The following NAALADL2 variants were observed in gnomAD, a reference collection of about 807,000 sequenced individuals.
NAALADL2 encodes N-acetylated alpha-linked acidic dipeptidase like 2, also known as inactive N-acetylated-alpha-linked acidic dipeptidase-like protein 2.
In NAALADL2, 76 loss-of-function variants were observed where a neutral mutation model predicts 87.2. That is an observed-to-expected ratio of 0.87 (90% confidence interval 0.72 to 1.05). The LOEUF is 1.05. Ranked by LOEUF, NAALADL2 falls within the 50% of genes least tolerant of loss-of-function variation. The pLI, the probability that NAALADL2 is intolerant of heterozygous loss-of-function variation, is 0.00. For missense variants in NAALADL2, 1,089 were observed against 945.8 expected (o/e 1.15, Z -1.99); for synonymous variants, 354 against 331.0 (o/e 1.07, Z -0.75).
intron 1 of NAALADL2, among the ~76,000 whole-genome samples, chr3:174,869,015 A>G (rs1471862981): frequency 6.6e-6 from 1 of 152,208 alleles, no homozygotes; most frequent in South Asian, 2.1e-4. Flanking sequence ...AGATGAGTCC[A>G]TGGGAGAGAG....
At chr3:174,454,050 T>G (rs1045643316) in intron 1 of NAALADL2, among the ~76,000 whole-genome samples, 1 of 152,110 alleles carries the variant, frequency 6.6e-6, no homozygotes, top group South Asian at 2.1e-4. Flanking sequence ...AATAAAGGGA[T>G]GGAGAGAAAT....
intron 2 of NAALADL2, among the ~76,000 whole-genome samples, chr3:175,157,294 A>G (rs1219965400): frequency 1.3e-5 from 2 of 152,096 alleles, no homozygotes; most frequent in Admixed American, 1.3e-4. Context: ...TAGTTGTAAA[A>G]GCTGGAATTT....
At chr3:175,588,538 T>TC (rs972494413) in intron 10 of NAALADL2, among the ~76,000 whole-genome samples, 7 of 127,914 alleles carry the variant, frequency 5.5e-5, no homozygotes, top group Admixed American at 2.3e-4. Flanking sequence ...TCTTTTCTTT[T>TC]TTTTTTTTTT....
At chr3:174,713,634 C>T (rs1327884984) in intron 2 of NAALADL2, among the ~76,000 whole-genome samples, 1 of 152,164 alleles carries the variant, frequency 6.6e-6, no homozygotes, top group East Asian at 1.9e-4. Context: ...ATTGTTCACC[C>T]ACTTTTTGAT....
chr3:175,535,531 G>C (rs1423543202), intron 9 of NAALADL2, among the ~76,000 whole-genome samples: 1 of 152,138 alleles, frequency 6.6e-6, no homozygotes, highest in African/African-American at 2.4e-5. Context: ...CCACAGCAAT[G>C]CTTAGTCACA....
chr3:175,348,255 T>G (rs1581523863), intron 5 of NAALADL2, among the ~76,000 whole-genome samples: 2 of 152,100 alleles, frequency 1.3e-5, no homozygotes, highest in East Asian at 3.9e-4. Flanking sequence ...TTCTCCATGT[T>G]GGACAGGCTG....
intron 2 of NAALADL2, among the ~76,000 whole-genome samples, chr3:174,730,653 C>T (rs1300087681): frequency 6.6e-6 from 1 of 151,952 alleles, no homozygotes; most frequent in East Asian, 1.9e-4. Flanking sequence ...GGCTGTCAAT[C>T]AATAGTTTAT....
chr3:174,510,088 G>A (rs1719501335), intron 1 of NAALADL2, among the ~76,000 whole-genome samples: 1 of 151,026 alleles, frequency 6.6e-6, no homozygotes, highest in Admixed American at 6.6e-5. Context: ...CATTCACTTA[G>A]TCATGTTTTA....
intron 3 of NAALADL2, among the ~76,000 whole-genome samples, chr3:174,848,824 A>G (rs1170169592): frequency 1.3e-5 from 2 of 152,202 alleles, no homozygotes; most frequent in Admixed American, 6.5e-5. Context: ...AACATTATAG[A>G]GTATAAAAAT....
chr3:175,098,065 T>C (rs140937137), intron 2 of NAALADL2, among the ~76,000 whole-genome samples: 177 of 152,260 alleles, frequency 1.2e-3, no homozygotes, highest in Non-Finnish European at 1.9e-3. Context: ...ATTCATGTGC[T>C]GAAATACCAG....
intron 11 of NAALADL2, among the ~76,000 whole-genome samples, chr3:175,693,975 G>A (rs1191639488): frequency 1.3e-5 from 2 of 152,126 alleles, no homozygotes; most frequent in African/African-American, 4.8e-5. Flanking sequence ...TTACAGTCAT[G>A]AGCCACCGTG....
chr3:175,352,874 TC>T (rs1763929935), intron 5 of NAALADL2, among the ~76,000 whole-genome samples: 1 of 151,840 alleles, frequency 6.6e-6, no homozygotes, highest in African/African-American at 2.4e-5. Flanking sequence ...GAAGAATCTT[TC>T]GTCCAACGTG....
At chr3:174,799,637 A>G (rs937060945) in intron 3 of NAALADL2, among the ~76,000 whole-genome samples, 3 of 152,162 alleles carry the variant, frequency 2.0e-5, no homozygotes, top group Non-Finnish European at 4.4e-5. Flanking sequence ...GTGAAAATGG[A>G]CTAATACAGT....
At chr3:175,359,627 A>C (rs573863846) in intron 5 of NAALADL2, among the ~76,000 whole-genome samples, 1 of 152,256 alleles carries the variant, frequency 6.6e-6, no homozygotes, top group African/African-American at 2.4e-5. Context: ...GAAAAAAATT[A>C]CCAACTTTTT....
chr3:175,644,164 C>T (rs4370040), intron 11 of NAALADL2, among the ~76,000 whole-genome samples: 41,575 of 151,794 alleles, frequency 0.27, 6,711 homozygotes, highest in African/African-American at 0.46. Context: ...TGATTTGCAG[C>T]AGATATTTAT....
At chr3:175,129,669 T>A (rs1727505041) in intron 2 of NAALADL2, among the ~76,000 whole-genome samples, 1 of 152,228 alleles carries the variant, frequency 6.6e-6, no homozygotes, top group Admixed American at 6.5e-5. Context: ...TCATTGTATA[T>A]CTATACACAT....
At chr3:175,218,780 T>C (rs997020125) in intron 2 of NAALADL2, among the ~76,000 whole-genome samples, 3 of 151,902 alleles carry the variant, frequency 2.0e-5, no homozygotes, top group Admixed American at 6.6e-5. Flanking sequence ...TCCTATTCAT[T>C]TCATTATTTT....
At chr3:175,772,688 G>A (rs1749671453) in intron 13 of NAALADL2, among the ~76,000 whole-genome samples, 1 of 152,130 alleles carries the variant, frequency 6.6e-6, no homozygotes. Flanking sequence ...TTATAGCTAA[G>A]CAGTGGCCGC....
At chr3:175,397,537 T>C (rs1417297535) in intron 5 of NAALADL2, among the ~76,000 whole-genome samples, 2 of 152,144 alleles carry the variant, frequency 1.3e-5, no homozygotes, top group Admixed American at 6.5e-5. Flanking sequence ...ACAGGAAGGC[T>C]GAGCAGCAGT....
Sources: gnomAD v4.1 joint callset for allele counts (sites outside exome capture counted in the v4.1 genomes callset) on GRCh38, gnomAD v4.1.1 for gene constraint, MANE v1.5 for transcripts, NCBI Gene and HGNC (gene_info 2026-07-23, HGNC 2026-07-21) for gene names.